Variants in AFAP1L1 observed in about 807,000 individuals in gnomAD.
AFAP1L1 encodes actin filament associated protein 1 like 1.
In AFAP1L1, 77 loss-of-function variants were observed where a neutral mutation model predicts 99.8. That is an observed-to-expected ratio of 0.77 (90% CI 0.64 to 0.93). The LOEUF (loss-of-function observed/expected upper bound fraction) is 0.93, where lower values mean the gene tolerates loss of function less well. AFAP1L1 is among the 40% of genes least tolerant of loss of function. AFAP1L1 has a pLI of 0.00. For synonymous variants in AFAP1L1, 373 were observed against 395.3 expected, an observed-to-expected ratio of 0.94 and a Z score of 0.67; for missense variants, 893 against 996.8, an observed-to-expected ratio of 0.90 and a Z score of 1.40.
intron 1 of AFAP1L1, among the ~76,000 whole-genome samples, chr5:149,298,397 TAAAAG>T (rs1282945936): frequency 6.6e-6 from 1 of 152,146 alleles, no homozygotes; most frequent in African/African-American, 2.4e-5. Context: ...TCTCTGTGGT[TAAAAG>T]AAGAGAATGA....
At chr5:149,275,806 G>A (rs967778642) in intron 1 of AFAP1L1, among the ~76,000 whole-genome samples, 13 of 152,182 alleles carry the variant, frequency 8.5e-5, no homozygotes, top group African/African-American at 2.9e-4. Context: ...ATGCCCGGCC[G>A]TCTCTTCTTC....
chr5:149,316,410 G>A (rs1278017341), intron 11 of AFAP1L1, 107 bp downstream of exon 11: 3 of 1,399,150 alleles, frequency 2.1e-6, no homozygotes, highest in Non-Finnish European at 2.9e-6. Context: ...CCCAGGGCAG[G>A]GGAGGGAATC....
chr5:149,290,707 A>G (rs1412407269), intron 1 of AFAP1L1, among the ~76,000 whole-genome samples: 1 of 151,840 alleles, frequency 6.6e-6, no homozygotes, highest in Non-Finnish European at 1.5e-5. Flanking sequence ...TGCTGAGGGT[A>G]CTTTTTGTTG....
At chr5:149,304,698 C>T (rs1223401367) in intron 5 of AFAP1L1, among the ~76,000 whole-genome samples, 1 of 152,194 alleles carries the variant, frequency 6.6e-6, no homozygotes, top group African/African-American at 2.4e-5. Context: ...TGTCCCCACG[C>T]CCCCTCACCC....
rs1756899013 is a variant in AFAP1L1 at position 149,319,701 on chromosome 5, C to T, written c.1599C>T (p.Ile533=). The T allele has an allele frequency of 1.2e-6, 2 of 1,612,266 alleles. No individual in the cohort carries two copies. Among genetic ancestry groups the T allele is most frequent in the Non-Finnish European group, 1.7e-6 (2 of 1,179,996 alleles). Residue 533 remains isoleucine (I), a synonymous_variant, in exon 13 of 19, where the codon ATC becomes ATT. Transcript: ENST00000296721. The part of the protein sequence containing the change: ...DYVDVETLTS[I]VSAGRNSFLY... ...TGGATGTGGAGACCTTAACCAGCATCGTCAGTGCTGGGCGCAACTCCTTCC... is the reference window on the plus strand; with the variant it reads ...TGGATGTGGAGACCTTAACCAGCATTGTCAGTGCTGGGCGCAACTCCTTCC...
At chr5:149,336,040 A>G (rs1242325890) in intron 18 of AFAP1L1, among the ~76,000 whole-genome samples, 1 of 152,238 alleles carries the variant, frequency 6.6e-6, no homozygotes, top group Non-Finnish European at 1.5e-5. Context: ...GCCCAGGGCT[A>G]TGCAAGGTAT....
chr5:149,284,938 T>C lies in AFAP1L1; in HGVS notation c.16+12954T>C, dbSNP rs78752410. On this transcript the variant is annotated intron_variant, in intron 1 of 18. Transcript: ENST00000296721. ...TACATAAAACTTTAAACTCTCCACT[T>C]TGAGTTAGGGTTAATTGTACACAAT... Among the ~76,000 whole-genome samples, 776 of 152,276 alleles carry C rather than the reference T, an allele frequency of 5.1e-3. 3 individuals are homozygous for C. The highest frequency in any genetic ancestry group is 7.5e-3 in the South Asian group (36 of 4,818).
In AFAP1L1 at chr5:149,275,633, G is replaced by A. The variant is rs189956394; in HGVS notation, c.16+3649G>A. On this transcript the variant is annotated intron_variant, in intron 1 of 18. Coordinates refer to ENST00000296721, the MANE Select transcript of AFAP1L1 (RefSeq NM_152406.4). ...CCATTCTCCTGCCTCAGCCTCCCGA[G>A]TAGCTGGGACTACAGGCGTGCACCA... Among the ~76,000 whole-genome samples the A allele has an allele frequency of 2.0e-5, 3 of 152,088 alleles. No individual in the cohort carries two copies. The East Asian group carries it at 5.8e-4, about 29-fold the overall frequency.
rs1431722594 is a variant in AFAP1L1 at position 149,322,773 on chromosome 5, T to A, written c.1810+56T>A. The A allele has an allele frequency of 2.9e-6, 4 of 1,394,984 alleles. No homozygotes were observed. The East Asian group carries it at 1.0e-4, about 36-fold the overall frequency. The allele number at this position is 1,394,984 out of a possible 1,614,324, so 86.4% of individuals were successfully genotyped here. On this transcript the variant is annotated intron_variant, in intron 15 of 18. Transcript: ENST00000296721. ...TAGGGAGGAAGGAAAGGAAGCAGTC[T>A]ATAGGAGGGATCTCAAAATCAGTTT...
intron 1 of AFAP1L1, among the ~76,000 whole-genome samples, chr5:149,285,642 T>C (rs1240294740): frequency 6.6e-6 from 1 of 152,154 alleles, no homozygotes; most frequent in Non-Finnish European, 1.5e-5. Flanking sequence ...TCCATCCCTC[T>C]TGAAAGGGAC....
Position 149,273,312 on chromosome 5 carries a change from G to A in AFAP1L1, c.16+1328G>A, listed in dbSNP as rs569527542. On this transcript the variant is annotated intron_variant, in intron 1 of 18. Transcript: ENST00000296721. Reference sequence around the variant, plus strand: ...CCCATCTGCCTGTTTGCTGTGCTGAGCCCCCGAAGGGAGGAAAAAAAGAAG... The same window carrying A: ...CCCATCTGCCTGTTTGCTGTGCTGAACCCCCGAAGGGAGGAAAAAAAGAAG... Among the ~76,000 whole-genome samples the A allele has an allele frequency of 7.9e-5, 12 of 151,890 alleles. No individual in the cohort carries two copies. In the South Asian group the frequency reaches 1.9e-3, roughly 24 times the overall value.
chr5:149,295,286 G>A (rs1755981852), intron 1 of AFAP1L1, among the ~76,000 whole-genome samples: 1 of 152,220 alleles, frequency 6.6e-6, no homozygotes, highest in Admixed American at 6.5e-5. Flanking sequence ...AAGGTCCCAT[G>A]TTAAGAATCC....
intron 5 of AFAP1L1, among the ~76,000 whole-genome samples, chr5:149,305,992 A>G (rs1366547758): frequency 6.6e-6 from 1 of 152,152 alleles, no homozygotes; most frequent in Non-Finnish European, 1.5e-5. Flanking sequence ...AAGTCAGAGG[A>G]AAGATCTTTG....
At chr5:149,290,977 C>T (rs1178914255) in intron 1 of AFAP1L1, among the ~76,000 whole-genome samples, 1 of 152,182 alleles carries the variant, frequency 6.6e-6, no homozygotes, top group Non-Finnish European at 1.5e-5. Context: ...TCAAAAAATA[C>T]ATAAGTAAAT....
intron 15 of AFAP1L1, among the ~76,000 whole-genome samples, chr5:149,325,425 T>G (rs932140184): frequency 6.6e-6 from 1 of 152,222 alleles, no homozygotes; most frequent in Admixed American, 6.5e-5. Flanking sequence ...GGCTAAATTC[T>G]AGGTGATTGC....
intron 4 of AFAP1L1, 149 bp from the exon 5 acceptor site, chr5:149,302,269 G>A (rs528045010): frequency 9.5e-6 from 5 of 526,958 alleles, no homozygotes; most frequent in East Asian, 3.1e-5. Flanking sequence ...ATATGCCCTC[G>A]AGTTTTACCA....
chr5:149,316,036 G>A, intron 10 of AFAP1L1, 115 bp from the exon 11 acceptor site: 1 of 1,577,742 alleles, frequency 6.3e-7, no homozygotes, highest in South Asian at 1.1e-5. Context: ...GACCTGGCCT[G>A]CCATCCCTGG....
chr5:149,326,545 T>TAAAAAA (rs59762007), intron 15 of AFAP1L1, among the ~76,000 whole-genome samples: 2 of 129,660 alleles, frequency 1.5e-5, no homozygotes, highest in Non-Finnish European at 3.2e-5. Flanking sequence ...TCGCCAAAAA[T>TAAAAAA]AAAAAAAAAA....
At chr5:149,326,562 AG>A (rs368698496) in intron 15 of AFAP1L1, among the ~76,000 whole-genome samples, 1,340 of 133,424 alleles carry the variant, frequency 0.01, 25 homozygotes, top group African/African-American at 0.035. Context: ...AAAAAAAAAA[AG>A]AAAGAAAAAT....
Sources: allele counts gnomAD v4.1 joint callset (sites outside exome capture counted in the v4.1 genomes callset), GRCh38; gene constraint gnomAD v4.1.1; transcripts MANE v1.5; gene names NCBI Gene and HGNC (gene_info 2026-07-23, HGNC 2026-07-21).